The following HMX1 variants were observed in gnomAD, a reference collection of about 807,000 sequenced individuals.
HMX1 encodes homeobox protein HMX1.
In HMX1, 8 loss-of-function variants were observed where a neutral mutation model predicts 8.9. That is an observed-to-expected ratio of 0.90 (90% confidence interval 0.53 to 1.63). The LOEUF (loss-of-function observed/expected upper bound fraction) is 1.63, where lower values mean the gene tolerates loss of function less well. Among genes scored for constraint, HMX1 ranks in the 40% most tolerant of loss-of-function variants. The pLI is 0.00. For synonymous variants in HMX1, 311 were observed against 283.4 expected, an observed-to-expected ratio of 1.10 and a Z score of -0.98; for missense variants, 621 against 558.5, an observed-to-expected ratio of 1.11 and a Z score of -1.13.
chr4:8,866,199 G>C (rs912829240), downstream of HMX1, among the ~76,000 whole-genome samples: 1 of 152,146 alleles, frequency 6.6e-6, no homozygotes, highest in Non-Finnish European at 1.5e-5. Context: ...CAGATGCACT[G>C]ACCCCCAGGC....
chr4:8,871,367 G>T lies in HMX1; in HGVS notation c.248C>A (p.Ala83Asp). 3 of 1,243,566 alleles carry T rather than the reference G, an allele frequency of 2.4e-6. No homozygotes were observed. The highest frequency in any genetic ancestry group is 3.0e-6 in the Non-Finnish European group (3 of 993,326). 77.0% of individuals were successfully genotyped at this position (1,243,566 alleles called of 1,614,324 possible). ...CGCGCCCGGCCCGAGCAGCGCACGGGCCCGCGCCTCCCCGCCGGGCCCGGT... is the reference window on the plus strand; with the variant it reads ...CGCGCCCGGCCCGAGCAGCGCACGGTCCCGCGCCTCCCCGCCGGGCCCGGT... ...AGTGPGGEAR[A>D]RALLGPGALG... The change falls in exon 1 of 2, where the codon GCC becomes GAC. Residue 83 changes from alanine (A) to aspartate (D), a missense_variant. Ala to Asp is a moderately radical substitution (Grantham distance 126, BLOSUM62 -2). Coordinates refer to ENST00000400677, the MANE Select transcript of HMX1 (RefSeq NM_018942.3). The surrounding 1 kb of genome is among the most constrained non-coding windows in gnomAD (Gnocchi z 4.8).
intron 1 of HMX1, among the ~76,000 whole-genome samples, chr4:8,852,401 G>A (rs1165394685): frequency 6.6e-6 from 1 of 152,234 alleles, no homozygotes; most frequent in East Asian, 1.9e-4. Flanking sequence ...TAGGACAGAT[G>A]AGGAAGTGGT....
chr4:8,869,864 A>G (rs1722150550), intron 1 of HMX1, among the ~76,000 whole-genome samples: 2 of 152,160 alleles, frequency 1.3e-5, no homozygotes, highest in East Asian at 1.9e-4. Flanking sequence ...GCAGGAGGGG[A>G]TGCACCCCAG....
rs147799105 is a variant in HMX1, at chr4:8,870,065, C to A, written c.394+1156G>T. 3.9e-5 allele frequency among the ~76,000 whole-genome samples: 6 copies of A among 151,986 alleles called. No homozygotes were observed. Among genetic ancestry groups the A allele is most frequent in the Non-Finnish European group, 8.8e-5 (6 of 67,990 alleles). ...GGGGCTTTTGCAAAGGATCACTCCA[C>A]GACATGGAAAGGGTTATCTAACAAG... On this transcript the variant is annotated intron_variant, in intron 1 of 1. Transcript: ENST00000400677. This position sits in a 1 kb window ranked among gnomAD's most constrained non-coding sequence, Gnocchi z 4.4.
In HMX1 at chr4:8,867,807, G is replaced by A. The variant is rs1164620897; in HGVS notation, c.933C>T (p.Pro311=). The A allele has an allele frequency of 9.0e-6, 11 of 1,226,366 alleles. No individual in the cohort carries two copies. The East Asian group carries it at 2.0e-4, about 22-fold the overall frequency. 76.0% of individuals were successfully genotyped at this position (1,226,366 alleles called of 1,614,324 possible). The part of the protein sequence containing the change: ...TLPFPLAPAA[P]APPPPLLGFS... ...AGCCGAGCAGCGGTGGGGGCGGCGC[G>A]GGCGCGGCGGGCGCCAGCGGGAAGG... The change falls in exon 2 of 2, where the codon CCC becomes CCT. Residue 311 remains proline (P), a synonymous_variant. Coordinates refer to ENST00000400677, the MANE Select transcript of HMX1 (RefSeq NM_018942.3).
chr4:8,871,422 G>A lies in HMX1; in HGVS notation c.193C>T (p.Leu65=), dbSNP rs1447898650. 7.7e-7 allele frequency: 1 copy of A among 1,305,832 alleles called. No individual in the cohort carries two copies. The highest frequency in any genetic ancestry group is 1.7e-5 in the South Asian group (1 of 59,252). 80.9% of individuals were successfully genotyped at this position (1,305,832 alleles called of 1,614,324 possible). The change falls in exon 1 of 2, where the codon CTA becomes TTA. Residue 65 remains leucine, a synonymous_variant. Transcript: ENST00000400677. The surrounding 1 kb of genome is among the most constrained non-coding windows in gnomAD (Gnocchi z 4.8). ...EDAEQARRRR[L]QRRRQLLAGT... ...GCGAGCAACTGTCGCCGCCGCTGTAGCCGTCGCCGCCGCGCCTGCTCGGCG... is the reference window on the plus strand; with the variant it reads ...GCGAGCAACTGTCGCCGCCGCTGTAACCGTCGCCGCCGCGCCTGCTCGGCG...
chr4:8,854,045 T>G (rs1721535526), intron 1 of HMX1, among the ~76,000 whole-genome samples: 1 of 152,230 alleles, frequency 6.6e-6, no homozygotes, highest in Admixed American at 6.5e-5. Context: ...TGCTGATCCC[T>G]GCATGGTGTG....
chr4:8,858,374 G>C (rs1005968338), intron 1 of HMX1, among the ~76,000 whole-genome samples: 3 of 152,168 alleles, frequency 2.0e-5, no homozygotes, highest in Non-Finnish European at 4.4e-5. Context: ...CGAGGGGTGA[G>C]GGGGCAAAAG....
intron 1 of HMX1, among the ~76,000 whole-genome samples, chr4:8,857,484 G>C (rs375092563): frequency 1.3e-5 from 2 of 152,240 alleles, no homozygotes; most frequent in African/African-American, 4.8e-5. Flanking sequence ...CTCACCCCGA[G>C]TTTCCGCACC....
chr4:8,866,044 G>A (rs1234773948), downstream of HMX1, among the ~76,000 whole-genome samples: 2 of 152,188 alleles, frequency 1.3e-5, no homozygotes, highest in African/African-American at 2.4e-5. Flanking sequence ...CCAGAGGTGT[G>A]GACCTGCGGG....
In HMX1 at chr4:8,871,686, G is replaced by T; in HGVS notation, c.-72C>A. On this transcript the variant is annotated 5_prime_UTR_variant, in exon 1 of 2. Transcript: ENST00000400677. This position sits in a 1 kb window ranked among gnomAD's most constrained non-coding sequence, Gnocchi z 4.8. The stretch of plus-strand genomic sequence containing the variant: ...TGGGGATGGTGGCGCGCGGCTCCCG[G>T]GCGCACGCGCGGGCCGGCCCTGGAG... 1 of 1,135,784 alleles carries T rather than the reference G, an allele frequency of 8.8e-7. No homozygotes were observed. Among genetic ancestry groups the T allele is most frequent in the Non-Finnish European group, 1.1e-6 (1 of 927,012 alleles). The allele number at this position is 1,135,784 out of a possible 1,614,324, so 70.4% of individuals were successfully genotyped here.
downstream of HMX1, among the ~76,000 whole-genome samples, chr4:8,863,456 G>C (rs1349869711): frequency 2.0e-5 from 3 of 152,238 alleles, no homozygotes; most frequent in African/African-American, 4.8e-5. Flanking sequence ...TTCGGAGTGG[G>C]CTCAGAGCCA....
rs928783876 is a variant in HMX1 at position 8,847,304 on chromosome 4, A to G, written c.395-980T>C. 1.2e-4 allele frequency among the ~76,000 whole-genome samples: 18 copies of G among 152,328 alleles called. No homozygotes were observed. The highest frequency in any genetic ancestry group is 4.1e-4 in the African/African-American group (17 of 41,570). On this transcript the variant is annotated intron_variant, in intron 1 of 1. Coordinates refer to the HMX1 transcript ENST00000506970. This position sits in a 1 kb window ranked among gnomAD's most constrained non-coding sequence, Gnocchi z 6.0. ...AAAAATAATAATTTAATTTAATTTA[A>G]AAAGCCACTAAGTGATCTGATGTCT...
Position 8,867,927 on chromosome 4 carries a change from C to T in HMX1, c.813G>A (p.Leu271=). 3 of 1,440,240 alleles carry T rather than the reference C, an allele frequency of 2.1e-6. No individual in the cohort carries two copies. The highest frequency in any genetic ancestry group is 2.7e-6 in the Non-Finnish European group (3 of 1,095,024). The allele number at this position is 1,440,240 out of a possible 1,614,324, so 89.2% of individuals were successfully genotyped here. A position where few individuals can be genotyped will look rare whatever the true frequency, so the allele number is the denominator to read the frequency against. Residue 271 remains leucine, a synonymous_variant, in exon 2 of 2, where the codon CTG becomes CTA. Transcript: ENST00000400677. ...QLAAELEAAS[L]SPPGAQRLVR... ...CCAGGCGCTGCGCTCCCGGCGGGGA[C>T]AGGCTGGCCGCCTCCAGCTCGGCTG...
At chr4:8,859,346 C>T (rs1230170581) in intron 1 of HMX1, among the ~76,000 whole-genome samples, 1 of 152,006 alleles carries the variant, frequency 6.6e-6, no homozygotes, top group African/African-American at 2.4e-5. Flanking sequence ...GATTGACAGC[C>T]CTCCCAGAAC....
At chr4:8,869,803 G>C (rs1020244968) in intron 1 of HMX1, among the ~76,000 whole-genome samples, 1 of 152,192 alleles carries the variant, frequency 6.6e-6, no homozygotes, top group Non-Finnish European at 1.5e-5. Context: ...ACCCTAACCC[G>C]CATGGCACGA....
Position 8,860,256 on chromosome 4 carries a change from C to T in HMX1, c.394+10965G>A, listed in dbSNP as rs573534697. Among the ~76,000 whole-genome samples the T allele has an allele frequency of 4.6e-5, 7 of 152,298 alleles. No individual in the cohort carries two copies. In the East Asian group the frequency reaches 1.2e-3, roughly 25 times the overall value. ...TACCCGGGGCCAAAACCGCTGGGACCGATATACTGCAGGAGTCCGGGCACA... is the reference window on the plus strand; with the variant it reads ...TACCCGGGGCCAAAACCGCTGGGACTGATATACTGCAGGAGTCCGGGCACA... On this transcript the variant is annotated intron_variant, in intron 1 of 1. Coordinates refer to the HMX1 transcript ENST00000506970.
chr4:8,852,987 C>CA (rs879934822), intron 1 of HMX1, among the ~76,000 whole-genome samples: 1,879 of 133,260 alleles, frequency 0.014, 29 homozygotes, highest in African/African-American at 0.045. Flanking sequence ...TAAGGATGGC[C>CA]AAAAAAAAAA....
rs368401955 is a variant in HMX1 at position 8,849,977 on chromosome 4, G to A, written c.395-3653C>T. 1.3e-5 allele frequency among the ~76,000 whole-genome samples: 2 copies of A among 152,184 alleles called. No homozygotes were observed. The highest frequency in any genetic ancestry group is 2.9e-5 in the Non-Finnish European group (2 of 68,026). On this transcript the variant is annotated intron_variant, in intron 1 of 1. Transcript: ENST00000506970. The surrounding 1 kb of genome is among the most constrained non-coding windows in gnomAD (Gnocchi z 6.6). Reference sequence around the variant, plus strand: ...CCAAGGGTGTGTCCCAAACCCTGTGGGTGTTGGTTTCTCTGGGCCTCCTTC... The same window carrying A: ...CCAAGGGTGTGTCCCAAACCCTGTGAGTGTTGGTTTCTCTGGGCCTCCTTC...
Sources: gnomAD v4.1 joint callset for allele counts (sites outside exome capture counted in the v4.1 genomes callset) on GRCh38, gnomAD v4.1.1 for gene constraint, Gnocchi (gnomAD v3.1) non-coding constraint, MANE v1.5 for transcripts, NCBI Gene and HGNC (gene_info 2026-07-23, HGNC 2026-07-21) for gene names.